Variants in MALRD1 observed in about 807,000 individuals in gnomAD.
The protein encoded by MALRD1 is MAM and LDL-receptor class A domain-containing protein 1.
A neutral mutation model predicts 242.1 loss-of-function variants in MALRD1; 247 were observed. The observed-to-expected ratio is 1.02, with a 90% CI of 0.92 to 1.13. The LOEUF (loss-of-function observed/expected upper bound fraction) is 1.13, where lower values mean the gene tolerates loss of function less well. MALRD1 is among the 50% of genes most tolerant of loss of function. MALRD1 has a pLI of 0.00. For missense variants in MALRD1, 2,989 were observed against 2,533.1 expected (o/e 1.18, Z -3.86); for synonymous variants, 995 against 866.6 (o/e 1.15, Z -2.60).
At chr10:19,383,566 A>T (rs1272940665) in intron 26 of MALRD1, among the ~76,000 whole-genome samples, 2 of 152,014 alleles carry the variant, frequency 1.3e-5, no homozygotes, top group Non-Finnish European at 2.9e-5. Context: ...TAACTTTTTG[A>T]TAATGAATAT....
At chr10:19,271,715 A>G (rs766448722) in intron 19 of MALRD1, among the ~76,000 whole-genome samples, 5 of 151,568 alleles carry the variant, frequency 3.3e-5, no homozygotes, top group African/African-American at 4.9e-5. Context: ...GTGAGCCGAG[A>G]TCTCACCACT....
At chr10:19,441,522 G>T (rs773194431) in intron 28 of MALRD1, among the ~76,000 whole-genome samples, 5 of 152,168 alleles carry the variant, frequency 3.3e-5, no homozygotes, top group Non-Finnish European at 7.3e-5. Flanking sequence ...TTCGTATAAG[G>T]TGTGAGGAAG....
chr10:19,706,792 G>A (rs186273582), intron 38 of MALRD1, among the ~76,000 whole-genome samples: 55 of 152,178 alleles, frequency 3.6e-4, no homozygotes, highest in African/African-American at 1.3e-3. Context: ...TCATTAATGG[G>A]CTCCCTGTCA....
chr10:19,182,059 T>C (rs967704974), intron 14 of MALRD1, among the ~76,000 whole-genome samples: 1 of 151,974 alleles, frequency 6.6e-6, no homozygotes, highest in Non-Finnish European at 1.5e-5. Flanking sequence ...TTTAGGAATT[T>C]CTTAAGATGT....
intron 29 of MALRD1, among the ~76,000 whole-genome samples, chr10:19,454,886 T>G (rs1433312558): frequency 6.6e-6 from 1 of 152,188 alleles, no homozygotes; most frequent in African/African-American, 2.4e-5. Flanking sequence ...TAGATAATAT[T>G]TAGAAAATAG....
chr10:19,300,602 A>G (rs1479147352), intron 21 of MALRD1, among the ~76,000 whole-genome samples: 1 of 152,016 alleles, frequency 6.6e-6, no homozygotes, highest in Non-Finnish European at 1.5e-5. Flanking sequence ...ATAAAAAGCA[A>G]TGGGGAAAGG....
At chr10:19,325,413 AT>A (rs34524649) in intron 22 of MALRD1, among the ~76,000 whole-genome samples, 104,484 of 144,700 alleles carry the variant, frequency 0.72, 37,332 homozygotes, top group Middle Eastern at 0.78. Flanking sequence ...AAAGTCCTGT[AT>A]TTTTTTTTTT....
intron 18 of MALRD1, among the ~76,000 whole-genome samples, chr10:19,219,008 G>A (rs562851075): frequency 6.6e-6 from 1 of 151,722 alleles, no homozygotes; most frequent in African/African-American, 2.4e-5. Flanking sequence ...ATGTTACCCC[G>A]CCAGTCTGAA....
intron 4 of MALRD1, among the ~76,000 whole-genome samples, chr10:19,095,829 A>G (rs913541267): frequency 4.6e-5 from 7 of 152,214 alleles, no homozygotes; most frequent in African/African-American, 1.7e-4. Flanking sequence ...CTCAACAACG[A>G]CAACAAAAGC....
At chr10:19,540,027 C>G (rs1027808843) in intron 32 of MALRD1, among the ~76,000 whole-genome samples, 1 of 151,922 alleles carries the variant, frequency 6.6e-6, no homozygotes, top group Admixed American at 6.6e-5. Context: ...GTGTGTTCTG[C>G]TGCTTAAGAT....
chr10:19,133,161 AC>A (rs1316555521), intron 8 of MALRD1, among the ~76,000 whole-genome samples: 1 of 152,072 alleles, frequency 6.6e-6, no homozygotes, highest in Admixed American at 6.6e-5. Context: ...TGAGTTTCTT[AC>A]ATTCAATACA....
chr10:19,214,612 G>A (rs117409008), intron 18 of MALRD1, among the ~76,000 whole-genome samples: 2,833 of 152,304 alleles, frequency 0.019, 112 homozygotes, highest in East Asian at 0.18. Context: ...GGAAAATGAA[G>A]TTAAAGGGTA....
chr10:19,545,489 A>G (rs373051654), intron 32 of MALRD1, among the ~76,000 whole-genome samples: 1 of 152,118 alleles, frequency 6.6e-6, no homozygotes, highest in East Asian at 1.9e-4. Context: ...TTCCTTACGT[A>G]ATTGAAGATG....
intron 38 of MALRD1, among the ~76,000 whole-genome samples, chr10:19,709,676 G>A (rs1834019695): frequency 6.6e-6 from 1 of 151,740 alleles, no homozygotes; most frequent in Non-Finnish European, 1.5e-5. Context: ...AGTTCTTAGG[G>A]TGTCTGTAAT....
At chr10:19,641,051 G>T (rs1477105340) in intron 36 of MALRD1, among the ~76,000 whole-genome samples, 2 of 152,116 alleles carry the variant, frequency 1.3e-5, no homozygotes, top group African/African-American at 4.8e-5. Context: ...AAAAAGATAG[G>T]CTTAAATGAG....
chr10:19,333,297 C>G (rs188327030), intron 24 of MALRD1, among the ~76,000 whole-genome samples: 7 of 152,200 alleles, frequency 4.6e-5, no homozygotes, highest in African/African-American at 1.7e-4. Flanking sequence ...TTCCTCCTCT[C>G]CTTCTCTTCA....
intron 14 of MALRD1, among the ~76,000 whole-genome samples, chr10:19,186,355 G>A (rs1305529187): frequency 2.0e-5 from 3 of 152,208 alleles, no homozygotes; most frequent in Admixed American, 2.0e-4. Context: ...AAATCAAGAA[G>A]TGGAGAAAAC....
intron 28 of MALRD1, among the ~76,000 whole-genome samples, chr10:19,408,001 G>A (rs559677160): frequency 5.8e-4 from 88 of 152,198 alleles, no homozygotes; most frequent in Middle Eastern, 3.4e-3. Flanking sequence ...CTTACCTCAC[G>A]GAAAGCCAAT....
chr10:19,394,797 G>A (rs1312423314), intron 28 of MALRD1, among the ~76,000 whole-genome samples: 3 of 152,192 alleles, frequency 2.0e-5, no homozygotes, highest in Non-Finnish European at 2.9e-5. Flanking sequence ...TTCAGATTTT[G>A]GATTGCGGGG....
Sources: allele counts gnomAD v4.1 joint callset (sites outside exome capture counted in the v4.1 genomes callset), GRCh38; gene constraint gnomAD v4.1.1; transcripts MANE v1.5; gene names NCBI Gene and HGNC (gene_info 2026-07-23, HGNC 2026-07-21).